SENP7: variants seen among roughly 807,000 people sequenced by gnomAD.
SENP7 encodes the protein SUMO specific peptidase 7, also known as sentrin-specific protease 7.
A neutral mutation model predicts 141.2 loss-of-function variants in SENP7; 64 were observed. The ratio of observed to expected loss-of-function variants is 0.45; its 90% CI spans 0.37 to 0.56. The LOEUF (loss-of-function observed/expected upper bound fraction) is 0.56. Among genes scored for constraint, SENP7 ranks in the 20% least tolerant of loss-of-function variants. The probability of loss-of-function intolerance (pLI) is 0.00; values close to 1 mark genes in which losing one functional copy is unlikely to be tolerated. For synonymous variants in SENP7, 382 were observed against 426.4 expected (o/e 0.90, Z 1.28); for missense variants, 1,025 against 1,212.2 (o/e 0.85, Z 2.29).
chr3:101,441,619 C>T (rs2107776498), intron 4 of SENP7, among the ~76,000 whole-genome samples: 1 of 152,324 alleles, frequency 6.6e-6, no homozygotes, highest in Admixed American at 6.5e-5. Flanking sequence ...CCATTGTTTC[C>T]TGTCACCTAC....
chr3:101,499,912 G>A (rs921630741), intron 2 of SENP7, among the ~76,000 whole-genome samples: 1 of 151,582 alleles, frequency 6.6e-6, no homozygotes, highest in Non-Finnish European at 1.5e-5. Context: ...AAGATGATCC[G>A]CCCGCCTCAG....
chr3:101,450,460 G>A (rs2063085262), intron 4 of SENP7, among the ~76,000 whole-genome samples: 1 of 152,118 alleles, frequency 6.6e-6, no homozygotes, highest in Non-Finnish European at 1.5e-5. Context: ...CACATAGTTG[G>A]AAGTAAAGCA....
intron 4 of SENP7, among the ~76,000 whole-genome samples, chr3:101,445,749 T>A (rs1343532131): frequency 6.6e-6 from 1 of 152,172 alleles, no homozygotes; most frequent in Non-Finnish European, 1.5e-5. Context: ...TACACACTTA[T>A]GTCAGACAAA....
Position 101,366,714 on chromosome 3 carries a change from T to A in SENP7, c.1034A>T (p.Asn345Ile). 1 of 1,611,764 alleles carries A rather than the reference T, an allele frequency of 6.2e-7. No individual in the cohort carries two copies. The change falls in exon 9 of 24, where the codon AAC (asparagine) becomes ATC (isoleucine). Residue 345 changes from asparagine (N) to isoleucine (I), a missense_variant. Coordinates refer to ENST00000394095, the MANE Select transcript of SENP7 (RefSeq NM_020654.5). Reference sequence around the variant, plus strand: ...AGGCAGTTTTGGATCCTGATGATAGTTTTCACTTGGCTTTTCAAACTCAGT... The same window carrying A: ...AGGCAGTTTTGGATCCTGATGATAGATTTCACTTGGCTTTTCAAACTCAGT... ...ISTEFEKPSE[N>I]YHQDPKLPEE...
At chr3:101,397,839 A>G (rs1367528721) in intron 6 of SENP7, among the ~76,000 whole-genome samples, 1 of 152,220 alleles carries the variant, frequency 6.6e-6, no homozygotes. Flanking sequence ...CACAGAAAAT[A>G]AAAAGAGAAG....
chr3:101,327,502 C>T (rs2058934766), intron 23 of SENP7, among the ~76,000 whole-genome samples, 164 bp downstream of exon 23: 1 of 152,070 alleles, frequency 6.6e-6, no homozygotes, highest in African/African-American at 2.4e-5. Context: ...CTGAGACCTC[C>T]CCAGCCATGC....
intron 4 of SENP7, among the ~76,000 whole-genome samples, chr3:101,436,844 A>G (rs141041637): frequency 6.6e-6 from 1 of 152,364 alleles, no homozygotes; most frequent in East Asian, 1.9e-4. Flanking sequence ...GTAAATTAAT[A>G]TAACCACTAT....
intron 17 of SENP7, among the ~76,000 whole-genome samples, chr3:101,334,917 G>T (rs2059145581): frequency 6.6e-6 from 1 of 152,088 alleles, no homozygotes; most frequent in Admixed American, 6.6e-5. Context: ...ATGTCTAACA[G>T]TTCTCTCAGT....
intron 2 of SENP7, among the ~76,000 whole-genome samples, chr3:101,498,302 T>C (rs1472764960): frequency 1.3e-5 from 2 of 152,220 alleles, no homozygotes; most frequent in Middle Eastern, 3.4e-3. Context: ...AAAAAGTAAC[T>C]TTACAATGGA....
At chr3:101,452,127 G>A (rs1327667893) in intron 4 of SENP7, among the ~76,000 whole-genome samples, 5 of 151,718 alleles carry the variant, frequency 3.3e-5, no homozygotes, top group African/African-American at 2.4e-5. Flanking sequence ...GCTTCAAAGA[G>A]AATAAAATAC....
chr3:101,437,143 C>T (rs2062420901), intron 4 of SENP7, among the ~76,000 whole-genome samples: 1 of 152,140 alleles, frequency 6.6e-6, no homozygotes, highest in Non-Finnish European at 1.5e-5. Context: ...CACATGTTCT[C>T]ACTTATTTGT....
chr3:101,434,390 C>T (rs998917142), intron 4 of SENP7, among the ~76,000 whole-genome samples: 1 of 150,596 alleles, frequency 6.6e-6, no homozygotes, highest in Non-Finnish European at 1.5e-5. Context: ...ATAGCAAGAG[C>T]AAACCAAACC....
At chr3:101,349,942 G>A (rs937818318) in intron 12 of SENP7, among the ~76,000 whole-genome samples, 5 of 152,094 alleles carry the variant, frequency 3.3e-5, no homozygotes, top group East Asian at 1.9e-4. Flanking sequence ...CTTTACAAAC[G>A]GGTGTGTGGG....
chr3:101,460,733 C>T (rs953211437), intron 3 of SENP7, among the ~76,000 whole-genome samples: 4 of 152,050 alleles, frequency 2.6e-5, no homozygotes, highest in African/African-American at 9.7e-5. Context: ...TTATTCATTA[C>T]TGGAATAGTG....
At chr3:101,450,984 A>G (rs2063113056) in intron 4 of SENP7, among the ~76,000 whole-genome samples, 1 of 152,200 alleles carries the variant, frequency 6.6e-6, no homozygotes, top group African/African-American at 2.4e-5. Context: ...CTAATAAAGA[A>G]GAAAAGAGAG....
At chr3:101,405,981 T>C (rs1329545722) in intron 5 of SENP7, among the ~76,000 whole-genome samples, 1 of 152,192 alleles carries the variant, frequency 6.6e-6, no homozygotes, top group African/African-American at 2.4e-5. Context: ...TTTACACTGT[T>C]GGTGGGACTG....
At chr3:101,410,474 G>A (rs116815859) in intron 5 of SENP7, among the ~76,000 whole-genome samples, 99 of 152,270 alleles carry the variant, frequency 6.5e-4, no homozygotes, top group Middle Eastern at 3.4e-3. Context: ...ACTTGCACAC[G>A]TGTTTATAGG....
chr3:101,500,164 T>C (rs975669163), intron 2 of SENP7, among the ~76,000 whole-genome samples: 3 of 152,260 alleles, frequency 2.0e-5, no homozygotes, highest in African/African-American at 7.2e-5. Context: ...AAGTTCTCTG[T>C]GCATAACTTA....
chr3:101,474,122 C>T (rs2064120728), intron 3 of SENP7, among the ~76,000 whole-genome samples: 1 of 151,834 alleles, frequency 6.6e-6, no homozygotes, highest in African/African-American at 2.4e-5. Context: ...AGTTGGATAG[C>T]ATGATGCCTC....
Sources: gnomAD v4.1 joint callset for allele counts (sites outside exome capture counted in the v4.1 genomes callset) on GRCh38, gnomAD v4.1.1 for gene constraint, MANE v1.5 for transcripts, NCBI Gene and HGNC (gene_info 2026-07-23, HGNC 2026-07-21) for gene names.